The following PHACTR1 variants were observed in gnomAD, a reference collection of about 807,000 sequenced individuals.
The protein encoded by PHACTR1 is phosphatase and actin regulator 1.
In PHACTR1, 16 loss-of-function variants were observed where a neutral mutation model predicts 69.2. The observed-to-expected ratio is 0.23, with a 90% CI of 0.16 to 0.35. The LOEUF is 0.35. PHACTR1 is among the 10% of genes least tolerant of loss of function. PHACTR1 has a pLI of 1.00. For missense variants in PHACTR1, 510 were observed against 734.7 expected (o/e 0.69, Z 3.54); for synonymous variants, 312 against 284.5 (o/e 1.10, Z -0.97).
chr6:12,841,652 A>G (rs1025193603), intron 4 of PHACTR1, among the ~76,000 whole-genome samples: 2 of 152,374 alleles, frequency 1.3e-5, no homozygotes, highest in South Asian at 2.1e-4. Context: ...CAGCATTTCA[A>G]TGTTTACTGT....
At chr6:13,236,905 A>T (rs1207205023) in intron 10 of PHACTR1, among the ~76,000 whole-genome samples, 4 of 152,174 alleles carry the variant, frequency 2.6e-5, no homozygotes, top group African/African-American at 4.8e-5. Context: ...TGAAGCAGAC[A>T]GTGAGGAGAT....
At chr6:12,971,445 T>A (rs1003871948) in intron 4 of PHACTR1, among the ~76,000 whole-genome samples, 1 of 152,228 alleles carries the variant, frequency 6.6e-6, no homozygotes, top group African/African-American at 2.4e-5. Context: ...ATTACAGTTT[T>A]GCTGTCCTAT....
chr6:13,283,356 A>T lies in PHACTR1; in HGVS notation c.1510-66A>T. 6.4e-7 allele frequency: 1 copy of T among 1,574,794 alleles called. No individual in the cohort carries two copies. On this transcript the variant is annotated intron_variant, in intron 12 of 14. Coordinates refer to ENST00000332995, the MANE Select transcript of PHACTR1 (RefSeq NM_030948.6). The surrounding 1 kb of genome is among the most constrained non-coding windows in gnomAD (Gnocchi z 4.7). ...TTATTTTCCACACCTGCAAGTTCAC[A>T]GACAGGACCAAGTGCCATGGTCAAC...
chr6:12,997,687 G>A (rs1356204274), intron 4 of PHACTR1, among the ~76,000 whole-genome samples: 1 of 152,124 alleles, frequency 6.6e-6, no homozygotes, highest in Admixed American at 6.5e-5. Context: ...AGGAACGGTG[G>A]CTCACGCCTG....
chr6:12,774,348 T>C (rs1769759456), intron 4 of PHACTR1, among the ~76,000 whole-genome samples: 1 of 152,188 alleles, frequency 6.6e-6, no homozygotes, highest in African/African-American at 2.4e-5. Flanking sequence ...AAAGGAAATA[T>C]GTTCAAATCA....
intron 4 of PHACTR1, among the ~76,000 whole-genome samples, chr6:12,792,933 C>G (rs1271630861): frequency 1.3e-5 from 2 of 149,782 alleles, no homozygotes; most frequent in Non-Finnish European, 3.0e-5. Flanking sequence ...TCAGCAAGCT[C>G]CCTCCTAGTC....
At chr6:12,994,308 C>G (rs1294640854) in intron 4 of PHACTR1, among the ~76,000 whole-genome samples, 2 of 152,092 alleles carry the variant, frequency 1.3e-5, no homozygotes, top group Non-Finnish European at 2.9e-5. Flanking sequence ...GTCACTCCCT[C>G]AAGAGGTGGG....
chr6:13,027,683 A>T (rs1029749875), intron 4 of PHACTR1, among the ~76,000 whole-genome samples: 21 of 150,660 alleles, frequency 1.4e-4, no homozygotes, highest in African/African-American at 4.1e-4. Flanking sequence ...AATATGTGGA[A>T]TTTTTTTTTT....
intron 4 of PHACTR1, among the ~76,000 whole-genome samples, chr6:12,832,608 A>G (rs62389228): frequency 0.042 from 6,430 of 152,188 alleles, 209 homozygotes; most frequent in Non-Finnish European, 0.063. Context: ...TTCTCATATG[A>G]AAGCCAATGA....
rs1308667300 is a variant in PHACTR1, at chr6:12,933,965, G to C, written c.251-119400G>C. On this transcript the variant is annotated intron_variant, in intron 4 of 14. Coordinates refer to ENST00000332995, the MANE Select transcript of PHACTR1 (RefSeq NM_030948.6). ...GCGTGTGTATTCATTTCCTAGAGTT[G>C]CTGTAACAAAGTACCACAAACTACA... is the stretch of plus-strand genomic sequence containing the variant. 5 of 1,570,776 alleles carry C rather than the reference G, an allele frequency of 3.2e-6. No individual in the cohort carries two copies. The African/African-American group carries it at 6.7e-5, about 21-fold the overall frequency.
chr6:13,107,258 A>T (rs900474998), intron 5 of PHACTR1, among the ~76,000 whole-genome samples: 1 of 152,064 alleles, frequency 6.6e-6, no homozygotes, highest in Admixed American at 6.6e-5. Flanking sequence ...TTATAGGCAC[A>T]TGCAAGCATG....
intron 4 of PHACTR1, among the ~76,000 whole-genome samples, chr6:12,905,289 T>A (rs1785607933): frequency 6.6e-6 from 1 of 152,184 alleles, no homozygotes; most frequent in Admixed American, 6.5e-5. Flanking sequence ...GAAGCACATT[T>A]TCAAGGTAAG....
At chr6:12,772,736 G>A (rs997936481) in intron 4 of PHACTR1, among the ~76,000 whole-genome samples, 18 of 152,102 alleles carry the variant, frequency 1.2e-4, no homozygotes, top group Non-Finnish European at 2.4e-4. Flanking sequence ...CCGCACTTCC[G>A]ACAACTTATT....
chr6:13,172,966 G>C (rs942251117), intron 6 of PHACTR1, among the ~76,000 whole-genome samples: 35 of 152,206 alleles, frequency 2.3e-4, no homozygotes, highest in Admixed American at 2.2e-3. Flanking sequence ...TTGCATATTG[G>C]TCAGAATAAT....
chr6:13,068,055 G>C (rs1274427203), intron 5 of PHACTR1, among the ~76,000 whole-genome samples: 1 of 152,134 alleles, frequency 6.6e-6, no homozygotes, highest in Non-Finnish European at 1.5e-5. Flanking sequence ...GGTGGCTCAC[G>C]CCTATAATCC....
intron 4 of PHACTR1, among the ~76,000 whole-genome samples, chr6:12,909,457 A>C (rs1307085887): frequency 1.3e-5 from 2 of 152,170 alleles, no homozygotes; most frequent in African/African-American, 4.8e-5. Context: ...TATATGCGGG[A>C]GTAATTGGTT....
intron 4 of PHACTR1, among the ~76,000 whole-genome samples, chr6:12,931,763 A>G (rs1788900729): frequency 6.6e-6 from 1 of 151,636 alleles, no homozygotes; most frequent in South Asian, 2.1e-4. Flanking sequence ...CTGTTAGTGC[A>G]GGCAAGCAGA....
At chr6:12,884,010 A>G (rs1298370008) in intron 4 of PHACTR1, among the ~76,000 whole-genome samples, 1 of 151,976 alleles carries the variant, frequency 6.6e-6, no homozygotes, top group Non-Finnish European at 1.5e-5. Context: ...ACACATAACC[A>G]CACACATGTA....
chr6:13,038,197 G>A (rs1052518001), intron 4 of PHACTR1, among the ~76,000 whole-genome samples: 1 of 152,144 alleles, frequency 6.6e-6, no homozygotes, highest in African/African-American at 2.4e-5. Context: ...TATTTCAGAT[G>A]TGGTAACTTA....
Sources: gnomAD v4.1 joint callset for allele counts (sites outside exome capture counted in the v4.1 genomes callset) on GRCh38, gnomAD v4.1.1 for gene constraint, Gnocchi (gnomAD v3.1) non-coding constraint, MANE v1.5 for transcripts, NCBI Gene and HGNC (gene_info 2026-07-23, HGNC 2026-07-21) for gene names.